NKAIN2: variants seen among roughly 807,000 people sequenced by gnomAD.
The protein encoded by NKAIN2 is sodium/potassium-transporting ATPase subunit beta-1-interacting protein 2.
Under a neutral mutation model 32.6 loss-of-function variants are expected in NKAIN2, and 14 were observed. The ratio of observed to expected loss-of-function variants is 0.43; its 90% CI spans 0.28 to 0.67. NKAIN2 has a LOEUF of 0.67. Among genes scored for constraint, NKAIN2 ranks in the 30% least tolerant of loss-of-function variants. The probability of loss-of-function intolerance (pLI) is 0.17; values close to 1 mark genes in which losing one functional copy is unlikely to be tolerated. For missense variants in NKAIN2, 198 were observed against 258.3 expected, an observed-to-expected ratio of 0.77 and a Z score of 1.60; for synonymous variants, 80 against 87.2, an observed-to-expected ratio of 0.92 and a Z score of 0.46.
In NKAIN2 at chr6:124,726,928, G is replaced by C. The variant is rs1192568792; in HGVS notation, c.475-64411G>C. Among the ~76,000 whole-genome samples the C allele has an allele frequency of 4.1e-5, 5 of 122,520 alleles. 1 individual carries two copies. The Admixed American group carries it at 4.6e-4, about 11-fold the overall frequency. 80.4% of individuals were successfully genotyped at this position (122,520 alleles called of 152,430 possible). ...GAAGAATGCAGAAGCCTCAGGAGCT[G>C]ATGCAATCAACTGGAAGAAAGGGTA... On this transcript the variant is annotated intron_variant, in intron 4 of 6. Transcript: ENST00000368417.
intron 2 of NKAIN2, among the ~76,000 whole-genome samples, chr6:124,321,381 A>T (rs953923811): frequency 6.6e-6 from 1 of 152,144 alleles, no homozygotes; most frequent in African/African-American, 2.4e-5. Context: ...TGACAGGTTG[A>T]TGGGTGCAGC....
At chr6:123,909,369 G>T (rs1471562488) in intron 1 of NKAIN2, among the ~76,000 whole-genome samples, 1 of 152,070 alleles carries the variant, frequency 6.6e-6, no homozygotes, top group African/African-American at 2.4e-5. Context: ...CCACCTGCTG[G>T]GTGTGTGGAA....
chr6:124,103,171 A>G (rs1354423865), intron 1 of NKAIN2, among the ~76,000 whole-genome samples: 6 of 152,240 alleles, frequency 3.9e-5, no homozygotes, highest in Admixed American at 3.9e-4. Flanking sequence ...GCAAACTTTC[A>G]GATATTTAGA....
chr6:123,885,937 A>C lies in NKAIN2; in HGVS notation c.54+81683A>C, dbSNP rs149458443. Among the ~76,000 whole-genome samples the C allele has an allele frequency of 6.5e-3, 982 of 151,378 alleles. 8 individuals are homozygous for C. Among genetic ancestry groups the C allele is most frequent in the Non-Finnish European group, 0.01 (695 of 67,678 alleles). On this transcript the variant is annotated intron_variant, in intron 1 of 6. Coordinates refer to ENST00000368417, the MANE Select transcript of NKAIN2 (RefSeq NM_001040214.3). Reference sequence around the variant, plus strand: ...GGAATGAAAAATCCAGGTGAGTTAGAGCAATGATCAAAAGAAAAAAAAAAA... The same window carrying C: ...GGAATGAAAAATCCAGGTGAGTTAGCGCAATGATCAAAAGAAAAAAAAAAA...
chr6:124,030,254 A>G (rs1209301156), intron 1 of NKAIN2, among the ~76,000 whole-genome samples: 1 of 152,114 alleles, frequency 6.6e-6, no homozygotes, highest in Non-Finnish European at 1.5e-5. Context: ...TTCACAATAC[A>G]TGTAATGCAC....
At chr6:124,669,101 A>G (rs1772965274) in intron 4 of NKAIN2, among the ~76,000 whole-genome samples, 2 of 152,156 alleles carry the variant, frequency 1.3e-5, no homozygotes, top group Admixed American at 6.5e-5. Context: ...GGTGCACATG[A>G]CAACTTATCA....
At chr6:123,906,483 G>A (rs1410840724) in intron 1 of NKAIN2, among the ~76,000 whole-genome samples, 1 of 150,116 alleles carries the variant, frequency 6.7e-6, no homozygotes, top group Non-Finnish European at 1.5e-5. Context: ...TGTAGAGACA[G>A]GGTTTCTCCA....
intron 3 of NKAIN2, among the ~76,000 whole-genome samples, chr6:124,399,918 A>G (rs980157451): frequency 2.0e-5 from 3 of 152,218 alleles, no homozygotes; most frequent in African/African-American, 7.2e-5. Context: ...CTATGAATGA[A>G]TGATAAACAT....
chr6:124,274,635 A>G (rs2689894), intron 1 of NKAIN2, among the ~76,000 whole-genome samples: 39,624 of 151,976 alleles, frequency 0.26, 5,735 homozygotes, highest in African/African-American at 0.38. Flanking sequence ...CATCTGTGCA[A>G]TAAAGATAAT....
intron 3 of NKAIN2, among the ~76,000 whole-genome samples, chr6:124,530,215 ACAGT>A (rs1292631753): frequency 6.6e-6 from 1 of 152,188 alleles, no homozygotes; most frequent in Admixed American, 6.5e-5. Flanking sequence ...GACAATATAA[ACAGT>A]CAGTTAATGC....
At chr6:124,007,229 A>G (rs2114725989) in intron 1 of NKAIN2, among the ~76,000 whole-genome samples, 1 of 152,328 alleles carries the variant, frequency 6.6e-6, no homozygotes, top group East Asian at 1.9e-4. Context: ...CAAATACGGT[A>G]TTATAGTCTA....
At chr6:123,927,209 T>C (rs879754672) in intron 1 of NKAIN2, among the ~76,000 whole-genome samples, 4 of 152,232 alleles carry the variant, frequency 2.6e-5, no homozygotes, top group African/African-American at 4.8e-5. Flanking sequence ...CCCATCAGTA[T>C]TTAATCTTTA....
chr6:123,884,814 T>C (rs1773635754), intron 1 of NKAIN2, among the ~76,000 whole-genome samples: 1 of 152,142 alleles, frequency 6.6e-6, no homozygotes, highest in African/African-American at 2.4e-5. Context: ...TACTCTATTT[T>C]ACCCTAGATT....
intron 3 of NKAIN2, among the ~76,000 whole-genome samples, chr6:124,413,696 CACTT>C (rs1254798241): frequency 2.6e-5 from 4 of 152,118 alleles, no homozygotes; most frequent in African/African-American, 4.8e-5. Context: ...TATATTGCTC[CACTT>C]ACTTTGTCAT....
intron 3 of NKAIN2, among the ~76,000 whole-genome samples, chr6:124,488,716 G>A (rs149335310): frequency 6.6e-6 from 1 of 152,064 alleles, no homozygotes; most frequent in East Asian, 1.9e-4. Context: ...TCTTGGGATG[G>A]TAGAGATTTT....
chr6:124,314,695 C>T (rs149368242), intron 2 of NKAIN2, among the ~76,000 whole-genome samples: 198 of 152,228 alleles, frequency 1.3e-3, no homozygotes, highest in African/African-American at 4.5e-3. Context: ...GTTCAGCCTA[C>T]GATGAGGAAG....
At chr6:124,775,665 C>T (rs766534959) in intron 4 of NKAIN2, among the ~76,000 whole-genome samples, 18 of 152,022 alleles carry the variant, frequency 1.2e-4, no homozygotes, top group Non-Finnish European at 2.4e-4. Flanking sequence ...ATAAAGAGAT[C>T]GTTATCTGTG....
At chr6:124,330,133 G>C (rs1043067870) in intron 2 of NKAIN2, among the ~76,000 whole-genome samples, 1 of 152,172 alleles carries the variant, frequency 6.6e-6, no homozygotes, top group Non-Finnish European at 1.5e-5. Flanking sequence ...TTCACCATCA[G>C]TGTGCATATT....
At chr6:124,721,331 A>G (rs1043822656) in intron 4 of NKAIN2, among the ~76,000 whole-genome samples, 7 of 150,798 alleles carry the variant, frequency 4.6e-5, no homozygotes, top group South Asian at 4.2e-4. Context: ...GTGAACCCGG[A>G]AGGCGGAGCT....
Sources: allele counts gnomAD v4.1 joint callset (sites outside exome capture counted in the v4.1 genomes callset), GRCh38; gene constraint gnomAD v4.1.1; transcripts MANE v1.5; gene names NCBI Gene and HGNC (gene_info 2026-07-23, HGNC 2026-07-21).